Variants in TTLL4 observed in about 807,000 individuals in gnomAD.
TTLL4 encodes the protein tubulin tyrosine ligase like 4, also known as tubulin monoglutamylase TTLL4.
TTLL4 carries 85 observed loss-of-function variants against 122.7 expected under a neutral mutation model. The observed-to-expected ratio is 0.69, with a 90% CI of 0.58 to 0.83. The LOEUF (loss-of-function observed/expected upper bound fraction) is 0.83, where lower values mean the gene tolerates loss of function less well. TTLL4 is among the 40% of genes least tolerant of loss of function. The pLI is 0.00. For synonymous variants in TTLL4, 553 were observed against 563.0 expected, an observed-to-expected ratio of 0.98 and a Z score of 0.25; for missense variants, 1,363 against 1,488.6, an observed-to-expected ratio of 0.92 and a Z score of 1.39.
At chr2:218,749,081 C>T in intron 13 of TTLL4, 147 bp downstream of exon 13, 1 of 1,251,660 alleles carries the variant, frequency 8.0e-7, no homozygotes, top group Non-Finnish European at 1.1e-6. Context: ...GAGTTAAGTT[C>T]TAATGAACCT....
At chr2:218,730,314 A>C (rs1453656130) in intron 2 of TTLL4, among the ~76,000 whole-genome samples, 1,784 of 25,994 alleles carry the variant, frequency 0.069, 309 homozygotes, top group Non-Finnish European at 0.089. Flanking sequence ...AAAAATCCAA[A>C]AAAAAAAAAA....
At chr2:218,727,690 C>A (rs536263490) in intron 2 of TTLL4, among the ~76,000 whole-genome samples, 1 of 151,974 alleles carries the variant, frequency 6.6e-6, no homozygotes. Context: ...TGCAGTGAGC[C>A]AAGTTCACAC....
chr2:218,722,035 A>G (rs541924146), intron 1 of TTLL4, among the ~76,000 whole-genome samples: 1 of 152,272 alleles, frequency 6.6e-6, no homozygotes, highest in Non-Finnish European at 1.5e-5. Flanking sequence ...CAGTCCCAGC[A>G]CTTTGGGAAG....
At chr2:218,749,033 G>A in intron 13 of TTLL4, 99 bp downstream of exon 13, 3 of 1,419,536 alleles carry the variant, frequency 2.1e-6, no homozygotes, top group Non-Finnish European at 2.9e-6. Flanking sequence ...CCATGCTGTG[G>A]TTTGGTTTTA....
At chr2:218,711,210 G>C (rs1941692654) in intron 1 of TTLL4, among the ~76,000 whole-genome samples, 173 bp downstream of exon 1, 1 of 152,152 alleles carries the variant, frequency 6.6e-6, no homozygotes, top group African/African-American at 2.4e-5. Flanking sequence ...AGGGAGCCGC[G>C]GCCTCCTACC....
At chr2:218,751,514 A>C in intron 15 of TTLL4, 190 bp from the exon 16 acceptor site, 1 of 671,276 alleles carries the variant, frequency 1.5e-6, no homozygotes, top group Non-Finnish European at 1.8e-6. Context: ...CCTTTTACTT[A>C]ATATTTGATG....
Position 218,751,718 on chromosome 2 carries a change from CT to C in TTLL4, c.2889del (p.Asp965ThrfsTer15). On this transcript the variant is annotated frameshift_variant, in exon 16 of 20. Coordinates refer to ENST00000392102, the MANE Select transcript of TTLL4 (RefSeq NM_014640.5). LOFTEE classifies it high-confidence loss of function. ...SSSTTSLPTS[P>X]GDKCRMAPEH... is the part of the protein sequence containing the mutation. Reference sequence around the variant, plus strand: ...CTCTGCCGTAGCCTGCCCACCTCCCCTGGGGACAAATGTCGAATGGCTCCAG... The same window carrying C: ...CTCTGCCGTAGCCTGCCCACCTCCCCGGGGACAAATGTCGAATGGCTCCAG... 1 of 1,613,114 alleles carries C rather than the reference CT, an allele frequency of 6.2e-7. No homozygotes were observed. Among genetic ancestry groups the C allele is most frequent in the Non-Finnish European group, 8.5e-7 (1 of 1,179,346 alleles).
Position 218,738,746 on chromosome 2 carries a change from A to G in TTLL4, c.1070A>G (p.Gln357Arg). The change falls in exon 3 of 20, where the codon CAG (glutamine) becomes CGG (arginine). Residue 357 changes from glutamine to arginine, a missense_variant. By Grantham distance (43) the Gln-to-Arg change is conservative. Transcript: ENST00000392102. ...GAGAAGATGCCGAGGCAAGGCTGCC[A>G]GCTTGAACAGTCTAGTTTCCTGAAC... ...GFEKMPRQGCQLEQSSFLNPS... is the reference protein window; with the variant it reads ...GFEKMPRQGCRLEQSSFLNPS... 1.9e-6 allele frequency: 3 copies of G among 1,614,258 alleles called. No homozygotes were observed. In the South Asian group the frequency reaches 3.3e-5, roughly 18 times the overall value.
At chr2:218,716,086 A>G (rs1941849449) in intron 1 of TTLL4, among the ~76,000 whole-genome samples, 1 of 152,152 alleles carries the variant, frequency 6.6e-6, no homozygotes, top group African/African-American at 2.4e-5. Context: ...AAATCATATC[A>G]CCACAATCTC....
At position 218,748,913 on chromosome 2, in the gene TTLL4, T is replaced by A. The variant is rs1942936811; in HGVS notation, c.2579T>A (p.Val860Asp). Reference protein sequence around the residue: ...SDAIWEKIKDVVVKTIISSEP... With the variant: ...SDAIWEKIKDDVVKTIISSEP... ...GCCATCTGGGAGAAGATAAAGGATG[T>A]TGTTGTCAAAACTATCATCTCGTGA... The change falls in exon 13 of 20, where the codon GTT becomes GAT. Residue 860 changes from valine to aspartate, a missense_variant. By Grantham distance (152) the Val-to-Asp change is radical. Around this residue, in one of 3 missense-constraint regions of TTLL4, gnomAD observed 596 missense variants for 655.8 expected, o/e 0.91. Coordinates refer to ENST00000392102, the MANE Select transcript of TTLL4 (RefSeq NM_014640.5). 2.5e-6 allele frequency: 4 copies of A among 1,614,188 alleles called. No individual in the cohort carries two copies. The highest frequency in any genetic ancestry group is 1.7e-6 in the Non-Finnish European group (2 of 1,180,026).
At chr2:218,711,643 G>A (rs1244181367) in intron 1 of TTLL4, among the ~76,000 whole-genome samples, 1 of 152,056 alleles carries the variant, frequency 6.6e-6, no homozygotes, top group Non-Finnish European at 1.5e-5. Flanking sequence ...GTGGCTAATA[G>A]GACAAGCATG....
At chr2:218,729,615 T>G (rs1473142213) in intron 2 of TTLL4, among the ~76,000 whole-genome samples, 4 of 152,092 alleles carry the variant, frequency 2.6e-5, no homozygotes, top group African/African-American at 7.2e-5. Flanking sequence ...GTTTGTTTGT[T>G]GCTAGTATGT....
intron 2 of TTLL4, among the ~76,000 whole-genome samples, chr2:218,731,115 A>AC (rs1942368900): frequency 9.0e-6 from 1 of 111,640 alleles, no homozygotes; most frequent in South Asian, 2.4e-4. Flanking sequence ...TTGTCTAAAA[A>AC]AAAAAAAAGA....
chr2:218,748,648 C>CG, intron 12 of TTLL4, 188 bp from the exon 13 acceptor site: 1 of 502,932 alleles, frequency 2.0e-6, no homozygotes, highest in Non-Finnish European at 3.4e-6. Context: ...GAGTGAAACT[C>CG]CATCTCAAAA....
Position 218,738,356 on chromosome 2 carries a change from G to T in TTLL4, c.680G>T (p.Ser227Ile), listed in dbSNP as rs762523143. 6.2e-7 allele frequency: 1 copy of T among 1,614,130 alleles called. No individual in the cohort carries two copies. The highest frequency in any genetic ancestry group is 1.1e-5 in the South Asian group (1 of 91,092). Residue 227 changes from serine to isoleucine, a missense_variant, in exon 3 of 20, where the codon AGC becomes ATC. By Grantham distance (142) the Ser-to-Ile change is moderately radical. Around this residue, in one of 3 missense-constraint regions of TTLL4, gnomAD observed 760 missense variants for 808.4 expected, o/e 0.94. Coordinates refer to ENST00000392102, the MANE Select transcript of TTLL4 (RefSeq NM_014640.5). Reference sequence around the variant, plus strand: ...AATAATTCCTTCATGTGGCCAAATAGCACGCCAGTGCCTTTATTGCAGACC... The same window carrying T: ...AATAATTCCTTCATGTGGCCAAATATCACGCCAGTGCCTTTATTGCAGACC... ...LNNNSFMWPN[S>I]TPVPLLQTTQ...
Position 218,752,833 on chromosome 2 carries a change from A to T in TTLL4, c.3047A>T (p.Glu1016Val). ...DVRILVEMED[E>V]FSRRGQFERI... Reference sequence around the variant, plus strand: ...CGGATTCTGGTTGAGATGGAAGATGAGTTTTCTCGCCGTGGTCAGTTTGAA... The same window carrying T: ...CGGATTCTGGTTGAGATGGAAGATGTGTTTTCTCGCCGTGGTCAGTTTGAA... The change falls in exon 17 of 20, where the codon GAG becomes GTG. Residue 1016 changes from glutamate (E) to valine (V), a missense_variant. Coordinates refer to ENST00000392102, the MANE Select transcript of TTLL4 (RefSeq NM_014640.5). The T allele has an allele frequency of 6.2e-7, 1 of 1,614,134 alleles. No individual in the cohort carries two copies. The highest frequency in any genetic ancestry group is 2.2e-5 in the East Asian group (1 of 44,874).
Position 218,729,758 on chromosome 2 carries a change from A to C in TTLL4, c.-99+2411A>C, listed in dbSNP as rs574871081. Among the ~76,000 whole-genome samples, 185 of 108,502 alleles carry C rather than the reference A, an allele frequency of 1.7e-3. 2 individuals are homozygous for C. The highest frequency in any genetic ancestry group is 6.5e-3 in the African/African-American group (146 of 22,418). The allele number at this position is 108,502 out of a possible 152,430, so 71.2% of individuals were successfully genotyped here. A position where few individuals can be genotyped will look rare whatever the true frequency, so the allele number is the denominator to read the frequency against. On this transcript the variant is annotated intron_variant, in intron 2 of 19. Coordinates refer to ENST00000392102, the MANE Select transcript of TTLL4 (RefSeq NM_014640.5). ...TTTTCTCTCTCTTTTTAAAAAAAAA[A>C]AAAACAAAAAAAAAAAAAACAGGAT...
chr2:218,731,726 T>C (rs945409277), intron 2 of TTLL4, among the ~76,000 whole-genome samples: 1 of 152,230 alleles, frequency 6.6e-6, no homozygotes, highest in African/African-American at 2.4e-5. Flanking sequence ...TCTCTTGTCT[T>C]TCCCTGAACA....
chr2:218,751,765 A>G lies in TTLL4; in HGVS notation c.2935A>G (p.Met979Val). 6.2e-7 allele frequency: 1 copy of G among 1,613,620 alleles called. No homozygotes were observed. Among genetic ancestry groups the G allele is most frequent in the Non-Finnish European group, 8.5e-7 (1 of 1,179,690 alleles). The change falls in exon 16 of 20, where the codon ATG (methionine) becomes GTG (valine). Residue 979 changes from methionine (M) to valine (V), a missense_variant. Physicochemically the swap from Met to Val is conservative, Grantham distance 21. Coordinates refer to ENST00000392102, the MANE Select transcript of TTLL4 (RefSeq NM_014640.5). ...MAPEHVTAQK[M>V]KKAYYLTQKI... ...TCCAGAGCATGTCACTGCACAGAAG[A>G]TGAAGAAAGCCTATTATCTGACCCA... is the stretch of plus-strand genomic sequence containing the variant.
Sources: gnomAD v4.1 joint callset for allele counts (sites outside exome capture counted in the v4.1 genomes callset) on GRCh38, gnomAD v4.1.1 for gene constraint, gnomAD v4.1.1 regional missense constraint, MANE v1.5 for transcripts, NCBI Gene and HGNC (gene_info 2026-07-23, HGNC 2026-07-21) for gene names.